The following KLF12 variants were observed in gnomAD, a reference collection of about 807,000 sequenced individuals.
The protein encoded by KLF12 is KLF transcription factor 12.
In KLF12, 9 loss-of-function variants were observed where a neutral mutation model predicts 37.8. The observed-to-expected ratio is 0.24, with a 90% CI of 0.14 to 0.42. The LOEUF (loss-of-function observed/expected upper bound fraction) is 0.42, where lower values mean the gene tolerates loss of function less well. KLF12 is among the 10% of genes least tolerant of loss of function. The probability of loss-of-function intolerance (pLI) is 1.00; values close to 1 mark genes in which losing one functional copy is unlikely to be tolerated. For synonymous variants in KLF12, 208 were observed against 202.1 expected (o/e 1.03, Z -0.25); for missense variants, 411 against 516.0 (o/e 0.80, Z 1.97).
chr13:73,993,830 A>T (rs891684739), intron 2 of KLF12, among the ~76,000 whole-genome samples: 1 of 152,154 alleles, frequency 6.6e-6, no homozygotes, highest in Non-Finnish European at 1.5e-5. Context: ...ACACCACAGG[A>T]ATTGACAAAC....
intron 1 of KLF12, among the ~76,000 whole-genome samples, chr13:74,032,028 A>C (rs1893129105): frequency 6.6e-6 from 1 of 152,178 alleles, no homozygotes; most frequent in South Asian, 2.1e-4. Flanking sequence ...CACCCAAGGC[A>C]GAGTTTCTTA....
intron 1 of KLF12, among the ~76,000 whole-genome samples, chr13:74,031,214 T>C (rs1252952908): frequency 6.6e-6 from 1 of 152,138 alleles, no homozygotes; most frequent in Non-Finnish European, 1.5e-5. Context: ...AAGTCTCCTC[T>C]AGCAATACTA....
At chr13:74,272,728 A>T in the KLF12 span, among the ~76,000 whole-genome samples, 1 of 152,198 alleles carries the variant, frequency 6.6e-6, no homozygotes, top group African/African-American at 2.4e-5. Context: ...AATCTTAAAT[A>T]CTTAGAAGAA....
At chr13:73,998,532 A>C (rs969275664) in intron 1 of KLF12, among the ~76,000 whole-genome samples, 1 of 152,226 alleles carries the variant, frequency 6.6e-6, no homozygotes, top group Non-Finnish European at 1.5e-5. Context: ...TTTACAAATC[A>C]CTGCTTCATT....
chr13:74,282,498 T>C, the KLF12 span, among the ~76,000 whole-genome samples: 1 of 152,146 alleles, frequency 6.6e-6, no homozygotes, highest in Non-Finnish European at 1.5e-5. Flanking sequence ...GGGTGAAGCA[T>C]GTTAATGGTC....
chr13:74,196,622 G>A, the KLF12 span, among the ~76,000 whole-genome samples: 1 of 152,106 alleles, frequency 6.6e-6, no homozygotes, highest in Non-Finnish European at 1.5e-5. Flanking sequence ...TGCATCATGA[G>A]TTTCTGCTCC....
chr13:74,006,741 C>T (rs1300573660), intron 1 of KLF12, among the ~76,000 whole-genome samples: 1 of 152,138 alleles, frequency 6.6e-6, no homozygotes, highest in African/African-American at 2.4e-5. Context: ...AATGTTAACA[C>T]CCTTTTCTAC....
At chr13:73,776,035 A>C (rs1273969077) in intron 5 of KLF12, among the ~76,000 whole-genome samples, 1 of 152,242 alleles carries the variant, frequency 6.6e-6, no homozygotes, top group Non-Finnish European at 1.5e-5. Flanking sequence ...TCTCTAAGGA[A>C]AAAATGTAGC....
intron 3 of KLF12, among the ~76,000 whole-genome samples, chr13:73,859,641 A>G (rs17061592): frequency 0.015 from 2,276 of 152,344 alleles, 33 homozygotes; most frequent in South Asian, 0.064. Context: ...TACCAACATC[A>G]TAATGTCTAT....
intron 2 of KLF12, among the ~76,000 whole-genome samples, chr13:73,972,859 G>A (rs1249060861): frequency 1.3e-5 from 2 of 151,146 alleles, no homozygotes; most frequent in Non-Finnish European, 2.9e-5. Context: ...CCTGCCATGA[G>A]AAAAATACAA....
chr13:74,145,024 T>C, the KLF12 span, among the ~76,000 whole-genome samples: 1 of 152,154 alleles, frequency 6.6e-6, no homozygotes, highest in Non-Finnish European at 1.5e-5. Context: ...AAACAGAATT[T>C]AAGTCCCATT....
chr13:73,967,201 T>G (rs12100269), intron 2 of KLF12, among the ~76,000 whole-genome samples: 3,939 of 152,266 alleles, frequency 0.026, 171 homozygotes, highest in African/African-American at 0.09. Context: ...ATGGAGAGTC[T>G]GAGCATCAGA....
chr13:74,222,564 A>G, the KLF12 span, among the ~76,000 whole-genome samples: 17 of 152,172 alleles, frequency 1.1e-4, no homozygotes, highest in African/African-American at 4.1e-4. Context: ...ACCTTTTTAA[A>G]ATAGGTTAAT....
intron 1 of KLF12, among the ~76,000 whole-genome samples, chr13:74,066,618 A>C (rs1490826280): frequency 1.3e-5 from 2 of 152,176 alleles, no homozygotes; most frequent in Non-Finnish European, 2.9e-5. Flanking sequence ...TGATCCAAAC[A>C]ATGAGGAACT....
the KLF12 span, among the ~76,000 whole-genome samples, chr13:74,154,438 C>T: frequency 6.6e-6 from 1 of 152,126 alleles, no homozygotes; most frequent in South Asian, 2.1e-4. Context: ...CAATTTGCCT[C>T]CCAGAATCTC....
rs144377585 is a variant in KLF12 at position 73,865,923 on chromosome 13, G to A, written c.124-19550C>T. ...AACTGAAAAATGAATGAGCAAAAAT[G>A]AGAACGTAGTTCAAGTGGGAGTAGT... On this transcript the variant is annotated intron_variant, in intron 3 of 7. Coordinates refer to ENST00000377669, the MANE Select transcript of KLF12 (RefSeq NM_007249.5). Among the ~76,000 whole-genome samples, 4 of 152,262 alleles carry A rather than the reference G, an allele frequency of 2.6e-5. No homozygotes were observed. The East Asian group carries it at 7.7e-4, about 29-fold the overall frequency.
At chr13:73,860,348 C>G (rs2138796686) in intron 3 of KLF12, among the ~76,000 whole-genome samples, 1 of 152,268 alleles carries the variant, frequency 6.6e-6, no homozygotes, top group East Asian at 1.9e-4. Context: ...AGACAAGCAC[C>G]TATCACAGTC....
intron 2 of KLF12, among the ~76,000 whole-genome samples, chr13:73,990,678 C>CA (rs1425584374): frequency 2.6e-5 from 4 of 151,534 alleles, no homozygotes; most frequent in Non-Finnish European, 4.4e-5. Flanking sequence ...TCAGTCATTT[C>CA]AAAAAACAGA....
rs200943390 is a variant in KLF12, at chr13:73,943,963, C to T, written c.123+18G>A. 4 of 1,546,302 alleles carry T rather than the reference C, an allele frequency of 2.6e-6. No individual in the cohort carries two copies. Among genetic ancestry groups the T allele is most frequent in the African/African-American group, 1.4e-5 (1 of 73,546 alleles). ...TCTCATCAAAAGGAGTGGGGCATTG[C>T]TGGAAACTTGTGCTTACCCCTTGTT... On this transcript the variant is annotated intron_variant, in intron 3 of 7. Coordinates refer to ENST00000377669, the MANE Select transcript of KLF12 (RefSeq NM_007249.5).
Sources: allele counts gnomAD v4.1 joint callset (sites outside exome capture counted in the v4.1 genomes callset), GRCh38; gene constraint gnomAD v4.1.1; transcripts MANE v1.5; gene names NCBI Gene and HGNC (gene_info 2026-07-23, HGNC 2026-07-21).